Variants in ERC2 observed in about 807,000 individuals in gnomAD.
ERC2 encodes ERC protein 2.
A neutral mutation model predicts 114.8 loss-of-function variants in ERC2; 42 were observed. That is an observed-to-expected ratio of 0.37 (90% CI 0.29 to 0.47). ERC2 has a LOEUF of 0.47. ERC2 is among the 20% of genes least tolerant of loss of function. The pLI is 0.99. For synonymous variants in ERC2, 454 were observed against 425.5 expected (o/e 1.07, Z -0.82); for missense variants, 939 against 1,150.7 (o/e 0.82, Z 2.66).
At chr3:56,010,420 A>C (rs763566619) in intron 9 of ERC2, 29 bp downstream of exon 9, 2 of 1,609,218 alleles carry the variant, frequency 1.2e-6, no homozygotes, top group Non-Finnish European at 1.7e-6. Flanking sequence ...AGGACTATCA[A>C]TGTGGTTCAT....
chr3:56,313,084 T>C (rs2056687130), intron 2 of ERC2, among the ~76,000 whole-genome samples: 1 of 125,334 alleles, frequency 8.0e-6, no homozygotes, highest in African/African-American at 3.0e-5. Context: ...GAATATGCCA[T>C]ACCCCATAAA....
chr3:56,274,580 T>C (rs2053870555), intron 3 of ERC2, among the ~76,000 whole-genome samples: 1 of 152,252 alleles, frequency 6.6e-6, no homozygotes, highest in Admixed American at 6.5e-5. Context: ...AGGCCAACTA[T>C]AATTGTGATT....
At chr3:55,602,348 A>G (rs1384420969) in intron 17 of ERC2, among the ~76,000 whole-genome samples, 3 of 152,148 alleles carry the variant, frequency 2.0e-5, no homozygotes, top group Non-Finnish European at 4.4e-5. Flanking sequence ...AAATCCCTCC[A>G]TGGAATAGTG....
intron 3 of ERC2, among the ~76,000 whole-genome samples, chr3:56,186,008 C>T (rs1424464078): frequency 1.3e-5 from 2 of 151,138 alleles, no homozygotes; most frequent in African/African-American, 4.9e-5. Context: ...GGGTGGCCCC[C>T]AGCTGATGAC....
At chr3:56,317,630 C>T (rs1442176000) in intron 2 of ERC2, among the ~76,000 whole-genome samples, 4 of 152,130 alleles carry the variant, frequency 2.6e-5, no homozygotes, top group African/African-American at 9.7e-5. Flanking sequence ...ATATTTCAAT[C>T]GTCCACTCAA....
intron 14 of ERC2, chr3:55,852,636 A>C (rs1012047092): frequency 6.5e-6 from 1 of 152,816 alleles, no homozygotes; most frequent in African/African-American, 2.4e-5. Context: ...GTAAAGGTAC[A>C]TGGATTCTTT....
intron 12 of ERC2, among the ~76,000 whole-genome samples, chr3:55,977,019 A>G (rs2069642147): frequency 6.6e-6 from 1 of 152,230 alleles, no homozygotes; most frequent in South Asian, 2.1e-4. Context: ...GGCTCTATCC[A>G]TGAGTCAGAA....
intron 2 of ERC2, among the ~76,000 whole-genome samples, chr3:56,332,551 C>G (rs575085120): frequency 2.2e-4 from 34 of 152,308 alleles, no homozygotes; most frequent in African/African-American, 7.9e-4. Flanking sequence ...TCCACTCCAT[C>G]CCTGATTTCA....
chr3:55,769,518 ATGCAGGATATTG>A (rs2068048284), intron 14 of ERC2, among the ~76,000 whole-genome samples: 2 of 152,072 alleles, frequency 1.3e-5, no homozygotes, highest in African/African-American at 4.8e-5. Flanking sequence ...CAGGTTGAGA[ATGCAGGATATTG>A]TCAGACGATG....
intron 17 of ERC2, among the ~76,000 whole-genome samples, chr3:55,556,599 C>A (rs183218079): frequency 3.0e-4 from 45 of 152,302 alleles, no homozygotes; most frequent in Non-Finnish European, 5.7e-4. Context: ...AGGAAAGGCA[C>A]CTGCTCTTTG....
chr3:55,864,991 C>A (rs2062233563), intron 14 of ERC2, among the ~76,000 whole-genome samples: 1 of 152,164 alleles, frequency 6.6e-6, no homozygotes, highest in Non-Finnish European at 1.5e-5. Flanking sequence ...TTACCCACTT[C>A]TTCACCTGTT....
intron 7 of ERC2, among the ~76,000 whole-genome samples, chr3:56,079,015 G>A (rs1021748065): frequency 3.9e-5 from 6 of 152,166 alleles, no homozygotes; most frequent in African/African-American, 1.4e-4. Context: ...AAAAAGGCCT[G>A]TAACAAAGCA....
intron 14 of ERC2, among the ~76,000 whole-genome samples, chr3:55,736,192 C>T (rs1415180072): frequency 1.3e-5 from 2 of 152,130 alleles, no homozygotes; most frequent in East Asian, 3.9e-4. Context: ...TGTAAAGATC[C>T]ATTGCATCAC....
chr3:55,705,178 G>A (rs971279172), intron 15 of ERC2, among the ~76,000 whole-genome samples: 1 of 152,178 alleles, frequency 6.6e-6, no homozygotes, highest in Non-Finnish European at 1.5e-5. Flanking sequence ...GGTTTAAATG[G>A]ATGTTCAGAG....
At chr3:55,903,667 C>T (rs2064266884) in intron 13 of ERC2, among the ~76,000 whole-genome samples, 1 of 152,110 alleles carries the variant, frequency 6.6e-6, no homozygotes, top group African/African-American at 2.4e-5. Flanking sequence ...ATTCAGAAAC[C>T]TTAAAGGCAC....
intron 2 of ERC2, among the ~76,000 whole-genome samples, chr3:56,323,005 G>C (rs115375900): frequency 0.01 from 1,570 of 152,244 alleles, 24 homozygotes; most frequent in African/African-American, 0.036. Flanking sequence ...GTTACCTTGA[G>C]AGTAGGTTGT....
intron 7 of ERC2, among the ~76,000 whole-genome samples, chr3:56,057,849 G>A (rs1195605561): frequency 6.6e-6 from 1 of 151,856 alleles, no homozygotes; most frequent in Non-Finnish European, 1.5e-5. Flanking sequence ...ATTAAAAGGT[G>A]AAATACTATG....
intron 1 of ERC2, among the ~76,000 whole-genome samples, chr3:56,442,521 A>G (rs1183621600): frequency 6.6e-6 from 1 of 152,130 alleles, no homozygotes; most frequent in Non-Finnish European, 1.5e-5. Flanking sequence ...GTGCCCAGCC[A>G]AGAAGTATTT....
chr3:55,766,330 A>G (rs1334238342), intron 14 of ERC2, among the ~76,000 whole-genome samples: 3 of 151,336 alleles, frequency 2.0e-5, no homozygotes, highest in Non-Finnish European at 2.9e-5. Flanking sequence ...GAATAGACGT[A>G]TCAGTTTGTA....
Sources: gnomAD v4.1 joint callset for allele counts (sites outside exome capture counted in the v4.1 genomes callset) on GRCh38, gnomAD v4.1.1 for gene constraint, MANE v1.5 for transcripts, NCBI Gene and HGNC (gene_info 2026-07-23, HGNC 2026-07-21) for gene names.